The following COG3 variants were observed in gnomAD, a reference collection of about 807,000 sequenced individuals.
COG3 encodes conserved oligomeric Golgi complex subunit 3.
COG3 carries 32 observed loss-of-function variants against 114.1 expected under a neutral mutation model. The ratio of observed to expected loss-of-function variants is 0.28; its 90% CI spans 0.21 to 0.38. The LOEUF (loss-of-function observed/expected upper bound fraction) is 0.38, where lower values mean the gene tolerates loss of function less well. Ranked by LOEUF, COG3 falls within the 10% of genes least tolerant of loss-of-function variation. The probability of loss-of-function intolerance (pLI) is 1.00; values close to 1 mark genes in which losing one functional copy is unlikely to be tolerated. For synonymous variants in COG3, 352 were observed against 365.7 expected (o/e 0.96, Z 0.43); for missense variants, 813 against 973.2 (o/e 0.84, Z 2.19).
At chr13:45,491,942 A>T (rs1481347756) in intron 10 of COG3, among the ~76,000 whole-genome samples, 7 of 152,182 alleles carry the variant, frequency 4.6e-5, no homozygotes, top group Admixed American at 4.6e-4. Flanking sequence ...TGTGTTTATT[A>T]TGAGAAGTTT....
chr13:45,505,664 GC>G (rs1870062163), intron 14 of COG3, among the ~76,000 whole-genome samples: 2 of 151,074 alleles, frequency 1.3e-5, no homozygotes, highest in Non-Finnish European at 3.0e-5. Context: ...TCGCTGTGTT[GC>G]CCAGGCTGGT....
At chr13:45,478,752 G>A (rs942199990) in intron 2 of COG3, among the ~76,000 whole-genome samples, 1 of 152,218 alleles carries the variant, frequency 6.6e-6, no homozygotes, top group Non-Finnish European at 1.5e-5. Context: ...GCCTCCCAAA[G>A]TGCTGGGATT....
At chr13:45,485,112 T>G (rs1475065677) in intron 7 of COG3, among the ~76,000 whole-genome samples, 1 of 148,774 alleles carries the variant, frequency 6.7e-6, no homozygotes, top group East Asian at 2.0e-4. Context: ...AATGAGCTAC[T>G]GGGCACACCT....
Position 45,491,431 on chromosome 13 carries a change from G to C in COG3, c.988G>C (p.Asp330His). The C allele has an allele frequency of 6.2e-7, 1 of 1,610,268 alleles. No individual in the cohort carries two copies. Among genetic ancestry groups the C allele is most frequent in the Non-Finnish European group, 8.5e-7 (1 of 1,178,928 alleles). Reference protein sequence around the residue: ...KIPEYQQLLNDIHQCYLDQRE... With the variant: ...KIPEYQQLLNHIHQCYLDQRE... ...TGTCAGATACCAACAACTGCTAAAT[G>C]ATATCCACCAGTGTTACCTTGATCA... Residue 330 changes from aspartate to histidine, a missense_variant, in exon 10 of 23, where the codon GAT (aspartate) becomes CAT (histidine). Physicochemically the swap from Asp to His is moderately conservative, Grantham distance 81 (BLOSUM62 -1). Coordinates refer to ENST00000349995, the MANE Select transcript of COG3 (RefSeq NM_031431.4).
At chr13:45,489,818 G>C (rs1886912058) in intron 8 of COG3, among the ~76,000 whole-genome samples, 1 of 53,182 alleles carries the variant, frequency 1.9e-5, no homozygotes, top group African/African-American at 5.0e-5. Context: ...AATTCCAATG[G>C]ATTTTTTTTT....
At position 45,486,635 on chromosome 13, in the gene COG3, G is replaced by A. The variant is rs983955944; in HGVS notation, c.924+60G>A. 6.2e-6 allele frequency: 6 copies of A among 965,520 alleles called. No individual in the cohort carries two copies. The African/African-American group carries it at 9.6e-5, about 16-fold the overall frequency. 59.8% of individuals were successfully genotyped at this position (965,520 alleles called of 1,614,324 possible). A position where few individuals can be genotyped will look rare whatever the true frequency, so the allele number is the denominator to read the frequency against. On this transcript the variant is annotated intron_variant, in intron 8 of 22. Transcript: ENST00000349995. ...AAATTTGTTCATCTGCCCTTTTGAA[G>A]TACTGTTGTATGTTAGGCTCTTTGT...
intron 21 of COG3, 83 bp from the exon 22 acceptor site, chr13:45,530,599 C>A (rs1873088610): frequency 1.2e-6 from 1 of 863,944 alleles, no homozygotes; most frequent in Non-Finnish European, 2.0e-6. Flanking sequence ...CTCGCTTTGG[C>A]AAATATCATT....
At chr13:45,527,911 C>T (rs1260818185) in intron 20 of COG3, among the ~76,000 whole-genome samples, 2 of 152,100 alleles carry the variant, frequency 1.3e-5, no homozygotes, top group Non-Finnish European at 2.9e-5. Context: ...GCATTTGAAC[C>T]AGAGCAACTC....
rs1288340856 is a variant in COG3, at chr13:45,486,561, G to T, written c.910G>T (p.Ala304Ser). 6.2e-7 allele frequency: 1 copy of T among 1,604,196 alleles called. No homozygotes were observed. Among genetic ancestry groups the T allele is most frequent in the East Asian group, 2.2e-5 (1 of 44,842 alleles). Reference sequence around the variant, plus strand: ...ATTTTATGTGAAATTTCGAGCTGCTGCCCCCAAAGTCAGAGTAAGTCTATT... The same window carrying T: ...ATTTTATGTGAAATTTCGAGCTGCTTCCCCCAAAGTCAGAGTAAGTCTATT... The part of the protein sequence containing the change: ...TLFYVKFRAA[A>S]PKVRTLIEQI... The change falls in exon 8 of 23, where the codon GCC (alanine) becomes TCC (serine). Residue 304 changes from alanine to serine, a missense_variant. Coordinates refer to ENST00000349995, the MANE Select transcript of COG3 (RefSeq NM_031431.4).
At chr13:45,504,352 T>C (rs1019497494) in intron 14 of COG3, among the ~76,000 whole-genome samples, 15 of 152,202 alleles carry the variant, frequency 9.9e-5, no homozygotes, top group African/African-American at 3.4e-4. Flanking sequence ...TCCTCTGCAA[T>C]AGAACCCATA....
chr13:45,520,134 A>T (rs1871962700), intron 19 of COG3, among the ~76,000 whole-genome samples: 1 of 151,972 alleles, frequency 6.6e-6, no homozygotes, highest in Non-Finnish European at 1.5e-5. Context: ...CAAAAAACGA[A>T]CAAAATTAGC....
intron 11 of COG3, among the ~76,000 whole-genome samples, chr13:45,492,664 T>G (rs1157970207): frequency 6.6e-6 from 1 of 152,190 alleles, no homozygotes; most frequent in Non-Finnish European, 1.5e-5. Flanking sequence ...GTCTTTCAGA[T>G]CCACTGTTAG....
chr13:45,493,201 T>G, intron 11 of COG3, 146 bp from the exon 12 acceptor site: 1 of 595,532 alleles, frequency 1.7e-6, no homozygotes, highest in Non-Finnish European at 2.8e-6. Context: ...AGCTTTTCCC[T>G]TATCATTCTA....
intron 13 of COG3, among the ~76,000 whole-genome samples, chr13:45,500,017 TA>T (rs71999241): frequency 2.0e-5 from 3 of 147,934 alleles, no homozygotes; most frequent in South Asian, 2.1e-4. Flanking sequence ...GACACTGCCT[TA>T]AAAAAAAATA....
At position 45,491,423 on chromosome 13, in the gene COG3, T is replaced by C; in HGVS notation, c.980T>C (p.Leu327Pro). 2 of 1,607,560 alleles carry C rather than the reference T, an allele frequency of 1.2e-6. No homozygotes were observed. Among genetic ancestry groups the C allele is most frequent in the South Asian group, 2.2e-5 (2 of 89,406 alleles). The change falls in exon 10 of 23, where the codon CTG (leucine) becomes CCG (proline). Residue 327 changes from leucine (L) to proline (P), a missense_variant. By Grantham distance (98) the Leu-to-Pro change is moderately conservative (BLOSUM62 -3). Transcript: ENST00000349995. ...RSEKIPEYQQ[L>P]LNDIHQCYLD... ...TTGCTTTCTGTCAGATACCAACAACTGCTAAATGATATCCACCAGTGTTAC... is the reference window on the plus strand; with the variant it reads ...TTGCTTTCTGTCAGATACCAACAACCGCTAAATGATATCCACCAGTGTTAC...
At position 45,529,771 on chromosome 13, in the gene COG3, T is replaced by C; in HGVS notation, c.2231-20T>C. ...CTTTTCTTTTTCTTTATGACACTAA[T>C]GAGGTTACTTTATTTCCAGCAAAGG... On this transcript the variant is annotated intron_variant, in intron 20 of 22. Transcript: ENST00000349995. 6.3e-7 allele frequency: 1 copy of C among 1,585,768 alleles called. No individual in the cohort carries two copies. The highest frequency in any genetic ancestry group is 8.6e-7 in the Non-Finnish European group (1 of 1,162,506).
At chr13:45,477,173 AAGT>A (rs1223302610) in intron 2 of COG3, among the ~76,000 whole-genome samples, 1 of 152,184 alleles carries the variant, frequency 6.6e-6, no homozygotes, top group East Asian at 1.9e-4. Flanking sequence ...GTTGTGTAGC[AAGT>A]ACACAGTAAA....
chr13:45,486,387 T>C (rs1033034376), intron 7 of COG3, 108 bp from the exon 8 acceptor site: 6 of 608,124 alleles, frequency 9.9e-6, no homozygotes, highest in African/African-American at 4.0e-5. Context: ...TAAGCTTTGA[T>C]TGGTATGCAG....
intron 16 of COG3, among the ~76,000 whole-genome samples, chr13:45,513,322 TAC>T (rs1468907644): frequency 7.6e-6 from 1 of 132,442 alleles, no homozygotes; most frequent in Non-Finnish European, 1.6e-5. Flanking sequence ...ATATAAATTA[TAC>T]ATATAATATA....
Sources: gnomAD v4.1 joint callset for allele counts (sites outside exome capture counted in the v4.1 genomes callset) on GRCh38, gnomAD v4.1.1 for gene constraint, MANE v1.5 for transcripts, NCBI Gene and HGNC (gene_info 2026-07-23, HGNC 2026-07-21) for gene names.